Variants in SAMD5 observed in about 807,000 individuals in gnomAD.
SAMD5 encodes the protein sterile alpha motif domain-containing protein 5.
In SAMD5, 13 loss-of-function variants were observed where a neutral mutation model predicts 11.3. The ratio of observed to expected loss-of-function variants is 1.15; its 90% confidence interval spans 0.75 to 1.83. SAMD5 has a LOEUF of 1.83. Ranked by LOEUF, SAMD5 falls within the 40% of genes most tolerant of loss-of-function variation. The pLI is 0.00. For synonymous variants in SAMD5, 129 were observed against 111.3 expected (o/e 1.16, Z -1.00); for missense variants, 255 against 239.1 (o/e 1.07, Z -0.44).
chr6:147,789,327 C>T, the SAMD5 span, among the ~76,000 whole-genome samples: 2 of 147,080 alleles, frequency 1.4e-5, no homozygotes, highest in Non-Finnish European at 3.0e-5. Flanking sequence ...ACAGTCAAAA[C>T]CCAAAACACT....
At chr6:147,877,847 T>TACACACACACACACAC in the SAMD5 span, among the ~76,000 whole-genome samples, 701 of 113,044 alleles carry the variant, frequency 6.2e-3, 9 homozygotes, top group Middle Eastern at 9.1e-3. Flanking sequence ...TTTATATAAA[T>TACACACACACACACAC]ACACACACAC....
chr6:147,780,486 G>A, the SAMD5 span, among the ~76,000 whole-genome samples: 1 of 152,118 alleles, frequency 6.6e-6, no homozygotes, highest in Non-Finnish European at 1.5e-5. Flanking sequence ...GGGATTACAG[G>A]CGTGAGCCAC....
At chr6:147,572,923 G>T (rs966257193), downstream of SAMD5, among the ~76,000 whole-genome samples, 2 of 152,090 alleles carry the variant, frequency 1.3e-5, no homozygotes. Context: ...TCCCCAAAGG[G>T]TACATCTACC....
the SAMD5 span, among the ~76,000 whole-genome samples, chr6:147,756,156 A>G: frequency 1.8e-3 from 274 of 152,284 alleles, 3 homozygotes; most frequent in African/African-American, 6.4e-3. Context: ...CCATGTTTGC[A>G]GTCAAAGAGT....
chr6:147,665,590 G>A (rs1396949529), intron 1 of SAMD5, among the ~76,000 whole-genome samples: 1 of 152,186 alleles, frequency 6.6e-6, no homozygotes, highest in Non-Finnish European at 1.5e-5. Flanking sequence ...TATGCCTGAT[G>A]TAATGAGAGG....
chr6:147,861,325 C>T, the SAMD5 span, among the ~76,000 whole-genome samples: 11 of 152,126 alleles, frequency 7.2e-5, no homozygotes, highest in African/African-American at 2.2e-4. Context: ...CCACCCTGCC[C>T]GGCTAATTTT....
intron 1 of SAMD5, among the ~76,000 whole-genome samples, chr6:147,697,068 G>C (rs1336224971): frequency 6.6e-6 from 1 of 152,192 alleles, no homozygotes; most frequent in Non-Finnish European, 1.5e-5. Flanking sequence ...GGTGGAAAGA[G>C]CAGAGCACTC....
intron 1 of SAMD5, among the ~76,000 whole-genome samples, chr6:147,733,167 T>G (rs1271842630): frequency 7.9e-5 from 12 of 152,236 alleles, no homozygotes; most frequent in African/African-American, 2.4e-4. Flanking sequence ...TGAGCAAGTT[T>G]ACCTTTTTCC....
chr6:147,779,543 T>G, the SAMD5 span, among the ~76,000 whole-genome samples: 2 of 151,080 alleles, frequency 1.3e-5, no homozygotes, highest in Admixed American at 1.3e-4. Flanking sequence ...TCACCCAGGC[T>G]GGAGTGCAAT....
chr6:147,693,318 G>A (rs1387798521), intron 1 of SAMD5, among the ~76,000 whole-genome samples: 5 of 152,222 alleles, frequency 3.3e-5, no homozygotes, highest in African/African-American at 4.8e-5. Flanking sequence ...GAGGTTGCTT[G>A]CAGTCTTTCA....
the SAMD5 span, among the ~76,000 whole-genome samples, chr6:147,823,430 G>A: frequency 6.8e-6 from 1 of 146,836 alleles, no homozygotes; most frequent in African/African-American, 2.5e-5. Flanking sequence ...TTTAACTCCA[G>A]TGGCATAAAA....
the SAMD5 span, among the ~76,000 whole-genome samples, chr6:147,790,781 T>TC: frequency 1.3e-5 from 1 of 78,972 alleles, no homozygotes; most frequent in Non-Finnish European, 2.9e-5. Context: ...TCTCTCTCTC[T>TC]CTCTCTCTCT....
chr6:147,508,778 G>T lies in SAMD5; in HGVS notation c.-151G>T. 5 of 1,216,954 alleles carry T rather than the reference G, an allele frequency of 4.1e-6. No individual in the cohort carries two copies. Among genetic ancestry groups the T allele is most frequent in the Non-Finnish European group, 5.5e-6 (5 of 915,594 alleles). The allele number at this position is 1,216,954 out of a possible 1,614,324, so 75.4% of individuals were successfully genotyped here. ...CTCAGGCTTCTTCTGATGGTTTTCC[G>T]TCTCCTGCCCGAGCCTTTCCTTTAA... is the stretch of plus-strand genomic sequence containing the variant. On this transcript the variant is annotated 5_prime_UTR_variant, in exon 1 of 2. Coordinates refer to ENST00000367474, the MANE Select transcript of SAMD5 (RefSeq NM_001030060.3).
intron 1 of SAMD5, among the ~76,000 whole-genome samples, chr6:147,669,416 ACTT>A (rs1436997418): frequency 8.3e-5 from 11 of 132,908 alleles, no homozygotes; most frequent in African/African-American, 3.0e-4. Flanking sequence ...TTCAAGCTCC[ACTT>A]CTTTTTTTTT....
chr6:147,730,074 C>CAAAA (rs34624038), intron 1 of SAMD5: 1,244 of 306,526 alleles, frequency 4.1e-3, no homozygotes, highest in South Asian at 5.9e-3. Flanking sequence ...GACTCTGTCT[C>CAAAA]AAAAAAAAAA....
At chr6:147,656,549 AC>A (rs1358429672) in intron 1 of SAMD5, among the ~76,000 whole-genome samples, 1 of 152,330 alleles carries the variant, frequency 6.6e-6, no homozygotes, top group Admixed American at 6.5e-5. Flanking sequence ...ATGAACAAAA[AC>A]TTTATGAACG....
At chr6:147,542,253 G>A (rs956587615) in intron 1 of SAMD5, among the ~76,000 whole-genome samples, 1 of 152,188 alleles carries the variant, frequency 6.6e-6, no homozygotes, top group African/African-American at 2.4e-5. Flanking sequence ...GCTTGGGCTG[G>A]CTTCTGGATC....
intron 1 of SAMD5, among the ~76,000 whole-genome samples, chr6:147,717,703 CA>C (rs113515603): frequency 1.3e-5 from 2 of 152,218 alleles, no homozygotes; most frequent in African/African-American, 4.8e-5. Context: ...ACAAAAACTA[CA>C]GGTGGTGGGC....
At chr6:147,633,240 T>C (rs1038898288) in intron 1 of SAMD5, among the ~76,000 whole-genome samples, 2 of 152,200 alleles carry the variant, frequency 1.3e-5, no homozygotes, top group Admixed American at 1.3e-4. Flanking sequence ...CTTTAAACTG[T>C]AGTAATTACT....
Sources: gnomAD v4.1 joint callset for allele counts (sites outside exome capture counted in the v4.1 genomes callset) on GRCh38, gnomAD v4.1.1 for gene constraint, MANE v1.5 for transcripts, NCBI Gene and HGNC (gene_info 2026-07-23, HGNC 2026-07-21) for gene names.